Variants in INPP5F observed in about 807,000 individuals in gnomAD.
INPP5F encodes phosphatidylinositide 4-phosphatase SAC2.
INPP5F carries 97 observed loss-of-function variants against 137.2 expected under a neutral mutation model. The ratio of observed to expected loss-of-function variants is 0.71; its 90% CI spans 0.60 to 0.84. The LOEUF (loss-of-function observed/expected upper bound fraction) is 0.84, where lower values mean the gene tolerates loss of function less well. INPP5F is among the 40% of genes least tolerant of loss of function. INPP5F has a pLI of 0.00. For missense variants in INPP5F, 1,271 were observed against 1,371.9 expected, an observed-to-expected ratio of 0.93 and a Z score of 1.16; for synonymous variants, 504 against 476.9, an observed-to-expected ratio of 1.06 and a Z score of -0.74.
At position 119,748,834 on chromosome 10, in the gene INPP5F, C is replaced by T. The variant is rs777071927; in HGVS notation, c.98-2242C>T. On this transcript the variant is annotated intron_variant, in intron 1 of 19. Transcript: ENST00000650623. The surrounding 1 kb of genome is among the most constrained non-coding windows in gnomAD (Gnocchi z 4.7). ...CTCAGACCCCAGGCTTCAGGTTGTC[C>T]CTGGCTTGAAGGTGGGGTTTTACCT... Among the ~76,000 whole-genome samples, 27 of 152,196 alleles carry T rather than the reference C, an allele frequency of 1.8e-4. No individual in the cohort carries two copies. Among genetic ancestry groups the T allele is most frequent in the Admixed American group, 4.6e-4 (7 of 15,278 alleles).
At chr10:119,821,332 A>C (rs1419806191) in intron 16 of INPP5F, among the ~76,000 whole-genome samples, 1 of 130,428 alleles carries the variant, frequency 7.7e-6, no homozygotes, top group Non-Finnish European at 1.7e-5. Context: ...GTCTTTATGC[A>C]ATAACGTGTG....
chr10:119,769,796 T>C (rs778777434), intron 2 of INPP5F, among the ~76,000 whole-genome samples: 1 of 152,112 alleles, frequency 6.6e-6, no homozygotes, highest in Non-Finnish European at 1.5e-5. Flanking sequence ...TACCATTGAC[T>C]CCCCTGGACT....
chr10:119,814,218 C>T lies in INPP5F; in HGVS notation c.1886+2263C>T, dbSNP rs543968279. ...CAGCCTGACCAACATGGAGAAACCT[C>T]GTCTCTACTAAAAATAAAATTAGCT... On this transcript the variant is annotated intron_variant, in intron 15 of 19. Transcript: ENST00000650623. Among the ~76,000 whole-genome samples the T allele has an allele frequency of 1.9e-3, 286 of 152,026 alleles. 2 individuals are homozygous for T. Among genetic ancestry groups the T allele is most frequent in the African/African-American group, 6.4e-3 (265 of 41,456 alleles).
chr10:119,807,290 TAAAA>T (rs755239847), intron 12 of INPP5F, among the ~76,000 whole-genome samples: 23 of 152,004 alleles, frequency 1.5e-4, no homozygotes, highest in Non-Finnish European at 3.1e-4. Flanking sequence ...AAAATAAAAA[TAAAA>T]AAATAAAATA....
chr10:119,800,801 T>C lies in INPP5F; in HGVS notation c.1116+2191T>C, dbSNP rs187098317. Among the ~76,000 whole-genome samples the C allele has an allele frequency of 3.6e-3, 553 of 151,924 alleles. 5 individuals are homozygous for C. The highest frequency in any genetic ancestry group is 0.013 in the African/African-American group (534 of 41,426). On this transcript the variant is annotated intron_variant, in intron 9 of 19. Transcript: ENST00000650623. ...CCTTTCTCTACTAAAAATACAAAAATTAGCTGGGCACGGTGGGATGCACCT... is the reference window on the plus strand; with the variant it reads ...CCTTTCTCTACTAAAAATACAAAAACTAGCTGGGCACGGTGGGATGCACCT...
chr10:119,809,151 C>T (rs1478572201), intron 13 of INPP5F, among the ~76,000 whole-genome samples: 3 of 144,498 alleles, frequency 2.1e-5, no homozygotes, highest in South Asian at 2.3e-4. Context: ...CACTTGAACC[C>T]GGGAGGCAGA....
At chr10:119,796,934 G>A (rs778416088) in intron 7 of INPP5F, 21 bp downstream of exon 7, 1 of 1,595,636 alleles carries the variant, frequency 6.3e-7, no homozygotes, top group Non-Finnish European at 8.6e-7. Context: ...GGCTGTAATA[G>A]CATTCAAATC....
At chr10:119,810,333 A>C in intron 14 of INPP5F, 116 bp downstream of exon 14, 1 of 559,224 alleles carries the variant, frequency 1.8e-6, no homozygotes. Context: ...GTGTTTCTGT[A>C]TTGAGCATCT....
Position 119,826,762 on chromosome 10 carries a change from A to C in INPP5F, c.2381A>C (p.Asn794Thr). 2 of 1,613,972 alleles carry C rather than the reference A, an allele frequency of 1.2e-6. No homozygotes were observed. Among genetic ancestry groups the C allele is most frequent in the Non-Finnish European group, 1.7e-6 (2 of 1,179,970 alleles). ...LNQKVKQTKS[N>T]VNIGNLRKLG... ...CAAAAAGTGAAGCAGACCAAATCCAATGTAAATATTGGCAACCTCCGAAAG... is the reference window on the plus strand; with the variant it reads ...CAAAAAGTGAAGCAGACCAAATCCACTGTAAATATTGGCAACCTCCGAAAG... The change falls in exon 20 of 20, where the codon AAT (asparagine) becomes ACT (threonine). Residue 794 changes from asparagine (N) to threonine (T), a missense_variant. By Grantham distance (65) the Asn-to-Thr change is moderately conservative. Coordinates refer to ENST00000650623, the MANE Select transcript of INPP5F (RefSeq NM_014937.4).
chr10:119,792,145 C>T lies in INPP5F; in HGVS notation c.613-12C>T. The T allele has an allele frequency of 1.2e-6, 2 of 1,614,126 alleles. No homozygotes were observed. The highest frequency in any genetic ancestry group is 2.2e-5 in the East Asian group (1 of 44,884). On this transcript the variant is annotated splice_polypyrimidine_tract_variant and intron_variant, in intron 5 of 19. Transcript: ENST00000650623. Reference sequence around the variant, plus strand: ...ATGTGTTTCTGAACTATTGTTCCTGCACCTTTTCTAGGTTGATGACCGATT... The same window carrying T: ...ATGTGTTTCTGAACTATTGTTCCTGTACCTTTTCTAGGTTGATGACCGATT...
chr10:119,759,008 C>T (rs556792491), intron 2 of INPP5F, among the ~76,000 whole-genome samples: 9 of 152,108 alleles, frequency 5.9e-5, no homozygotes, highest in Non-Finnish European at 1.2e-4. Flanking sequence ...CCTTAAAAGC[C>T]ACTGGAAACC....
intron 8 of INPP5F, 45 bp downstream of exon 8, chr10:119,797,685 G>A (rs1196159018): frequency 6.9e-7 from 1 of 1,447,790 alleles, no homozygotes. Flanking sequence ...ATTTCAGAGA[G>A]AATAGTTTTT....
chr10:119,739,516 C>T (rs1371922498), intron 1 of INPP5F, among the ~76,000 whole-genome samples: 3 of 152,152 alleles, frequency 2.0e-5, no homozygotes, highest in Non-Finnish European at 4.4e-5. Flanking sequence ...TGTTCAATAA[C>T]TATTGAATGA....
chr10:119,805,683 G>A (rs149571872), intron 11 of INPP5F, among the ~76,000 whole-genome samples: 184 of 152,268 alleles, frequency 1.2e-3, no homozygotes, highest in African/African-American at 4.3e-3. Flanking sequence ...GAAGTGAAAC[G>A]CTCTGACTGT....
intron 6 of INPP5F, among the ~76,000 whole-genome samples, chr10:119,795,984 A>C (rs1278340887): frequency 6.8e-6 from 1 of 147,556 alleles, no homozygotes; most frequent in Non-Finnish European, 1.5e-5. Context: ...AGGCTGAGGC[A>C]GGAGAATCAG....
intron 3 of INPP5F, among the ~76,000 whole-genome samples, chr10:119,784,644 G>T (rs115370399): frequency 5.3e-5 from 8 of 152,116 alleles, no homozygotes; most frequent in Admixed American, 5.2e-4. Flanking sequence ...TGCCTCTGTT[G>T]TCTTTTTATC....
At chr10:119,757,017 C>A (rs530576541) in intron 2 of INPP5F, among the ~76,000 whole-genome samples, 1 of 151,994 alleles carries the variant, frequency 6.6e-6, no homozygotes, top group African/African-American at 2.4e-5. Context: ...GTCTGTCTTC[C>A]GACAACTCAA....
intron 6 of INPP5F, 37 bp from the exon 7 acceptor site, chr10:119,796,678 C>G: frequency 6.6e-7 from 1 of 1,503,920 alleles, no homozygotes; most frequent in South Asian, 1.1e-5. Flanking sequence ...CAGTGCTGTA[C>G]AGAATAGAAA....
At chr10:119,772,707 C>CT (rs1002332341) in intron 2 of INPP5F, among the ~76,000 whole-genome samples, 30 of 151,788 alleles carry the variant, frequency 2.0e-4, no homozygotes, top group Non-Finnish European at 4.0e-4. Flanking sequence ...GGGAATTTAA[C>CT]TTTTTTTTCG....
Sources: allele counts gnomAD v4.1 joint callset (sites outside exome capture counted in the v4.1 genomes callset), GRCh38; gene constraint gnomAD v4.1.1; non-coding constraint Gnocchi (gnomAD v3.1); transcripts MANE v1.5; gene names NCBI Gene and HGNC (gene_info 2026-07-23, HGNC 2026-07-21).